Variants in ZC3H12B observed in about 807,000 individuals in gnomAD.
ZC3H12B encodes probable ribonuclease ZC3H12B.
ZC3H12B carries 7 observed loss-of-function variants against 43.9 expected under a neutral mutation model. The ratio of observed to expected loss-of-function variants is 0.16; its 90% CI spans 0.09 to 0.30. The LOEUF (loss-of-function observed/expected upper bound fraction) is 0.30. Ranked by LOEUF, ZC3H12B falls within the 10% of genes least tolerant of loss-of-function variation. The pLI is 1.00. For missense variants in ZC3H12B, 475 were observed against 670.2 expected, an observed-to-expected ratio of 0.71 and a Z score of 3.22; for synonymous variants, 222 against 241.7, an observed-to-expected ratio of 0.92 and a Z score of 0.76.
At chrX:65,276,625 T>C in the ZC3H12B span, among the ~76,000 whole-genome samples, 8 of 110,846 alleles carry the variant, frequency 7.2e-5, no homozygotes, top group Non-Finnish European at 1.9e-5. Context: ...GAAGGAGAAA[T>C]AAAATATTCC....
upstream of ZC3H12B, among the ~76,000 whole-genome samples, chrX:65,364,804 G>A (rs1159548581): frequency 7.2e-5 from 8 of 111,118 alleles, no homozygotes; most frequent in Non-Finnish European, 1.3e-4. Flanking sequence ...ACTCCTCAGG[G>A]ATTGTTCAGG....
the ZC3H12B span, among the ~76,000 whole-genome samples, chrX:65,144,758 A>C: frequency 9.0e-6 from 1 of 111,179 alleles, no homozygotes; most frequent in Non-Finnish European, 1.9e-5. Flanking sequence ...CAGGTTATTT[A>C]ATTTCCATGT....
intron 3 of ZC3H12B, among the ~76,000 whole-genome samples, chrX:65,462,464 G>A (rs866601327): frequency 6.3e-5 from 7 of 111,460 alleles, no homozygotes; most frequent in Admixed American, 1.9e-4. Context: ...GTGAGATCAC[G>A]CCACTGTGCC....
chrX:65,338,878 G>A, the ZC3H12B span, among the ~76,000 whole-genome samples: 1 of 111,852 alleles, frequency 8.9e-6, no homozygotes, highest in Non-Finnish European at 1.9e-5. Context: ...AATAATAAGA[G>A]CCTTCTATGA....
the ZC3H12B span, among the ~76,000 whole-genome samples, chrX:65,075,073 GGCTTT>G: frequency 1.8e-5 from 2 of 111,719 alleles, no homozygotes; most frequent in African/African-American, 6.5e-5. Context: ...TTTATAGATT[GGCTTT>G]GTGCAAGGAA....
At chrX:65,492,140 T>G (rs746381245) in intron 1 of ZC3H12B, among the ~76,000 whole-genome samples, 25 of 110,372 alleles carry the variant, frequency 2.3e-4, no homozygotes, top group Admixed American at 2.1e-3. Flanking sequence ...TTTTGTTTTG[T>G]TTTGGTTTGG....
At chrX:65,235,753 G>T in the ZC3H12B span, among the ~76,000 whole-genome samples, 6 of 112,106 alleles carry the variant, frequency 5.4e-5, no homozygotes, top group Non-Finnish European at 1.1e-4. Flanking sequence ...TACAGCTCTT[G>T]ATCAGGGAAT....
chrX:65,128,525 A>T, the ZC3H12B span, among the ~76,000 whole-genome samples: 1 of 111,611 alleles, frequency 9.0e-6, no homozygotes, highest in Non-Finnish European at 1.9e-5. Flanking sequence ...AAGAATGTGT[A>T]TTCTGTTTTG....
At chrX:65,144,813 T>C in the ZC3H12B span, among the ~76,000 whole-genome samples, 2 of 111,912 alleles carry the variant, frequency 1.8e-5, no homozygotes, top group African/African-American at 6.5e-5. Flanking sequence ...CCAGTTTTAT[T>C]CCACTGTGGT....
At chrX:65,121,988 T>G in the ZC3H12B span, among the ~76,000 whole-genome samples, 1 of 111,820 alleles carries the variant, frequency 8.9e-6, no homozygotes, top group Non-Finnish European at 1.9e-5. Context: ...GAGTTCTAGT[T>G]TTATTGCACT....
chrX:65,332,180 T>G, the ZC3H12B span, among the ~76,000 whole-genome samples: 2 of 110,322 alleles, frequency 1.8e-5, no homozygotes, highest in African/African-American at 3.3e-5. Flanking sequence ...GAACCCTTAA[T>G]CTTAAGGGTT....
exon 5 of ZC3H12B, chrX:65,503,274 T>A: frequency 1.1e-6 from 1 of 892,076 alleles, no homozygotes; most frequent in South Asian, 3.0e-5. Flanking sequence ...ACTAATACAA[T>A]AATTATAGTA....
chrX:65,133,344 G>A, the ZC3H12B span, among the ~76,000 whole-genome samples: 15 of 110,444 alleles, frequency 1.4e-4, no homozygotes, highest in East Asian at 3.7e-3. Flanking sequence ...TTCTAATGTC[G>A]GGAGTGGATT....
chrX:65,136,953 G>T, the ZC3H12B span, among the ~76,000 whole-genome samples: 4 of 111,879 alleles, frequency 3.6e-5, no homozygotes, highest in East Asian at 5.6e-4. Flanking sequence ...TAAAGTGCAT[G>T]TGATTGTCTT....
the ZC3H12B span, among the ~76,000 whole-genome samples, chrX:65,226,570 A>T: frequency 1.8e-5 from 2 of 111,870 alleles, no homozygotes; most frequent in Non-Finnish European, 3.8e-5. Context: ...TGCTCCAATT[A>T]AAAGACACAG....
chrX:65,058,881 C>T, the ZC3H12B span, among the ~76,000 whole-genome samples: 88 of 112,170 alleles, frequency 7.8e-4, no homozygotes, highest in Non-Finnish European at 1.4e-3. Flanking sequence ...GAGCCAGGCG[C>T]GGGATATAAT....
chrX:65,492,020 A>G (rs1319772168), intron 1 of ZC3H12B, among the ~76,000 whole-genome samples: 1 of 110,843 alleles, frequency 9.0e-6, no homozygotes, highest in Non-Finnish European at 1.9e-5. Flanking sequence ...AGAAAGAGTG[A>G]TTCTTGAGGG....
chrX:65,160,179 G>A, the ZC3H12B span, among the ~76,000 whole-genome samples: 2 of 111,643 alleles, frequency 1.8e-5, no homozygotes, highest in Non-Finnish European at 3.8e-5. Flanking sequence ...ATTTTATTGA[G>A]GATTTTTGCA....
the ZC3H12B span, among the ~76,000 whole-genome samples, chrX:65,200,853 T>C: frequency 9.0e-6 from 1 of 111,651 alleles, no homozygotes; most frequent in Admixed American, 9.6e-5. Flanking sequence ...CTTTGATATG[T>C]GTGTATTGAA....
Sources: gnomAD v4.1 joint callset for allele counts (sites outside exome capture counted in the v4.1 genomes callset) on GRCh38, gnomAD v4.1.1 for gene constraint, MANE v1.5 for transcripts, NCBI Gene and HGNC (gene_info 2026-07-23, HGNC 2026-07-21) for gene names.